GLCCI1: variants seen among roughly 807,000 people sequenced by gnomAD.
The protein encoded by GLCCI1 is glucocorticoid-induced transcript 1 protein.
A neutral mutation model predicts 52.2 loss-of-function variants in GLCCI1; 24 were observed. That is an observed-to-expected ratio of 0.46 (90% confidence interval 0.33 to 0.65). The LOEUF is 0.65. Among genes scored for constraint, GLCCI1 ranks in the 30% least tolerant of loss-of-function variants. The pLI, the probability that GLCCI1 is intolerant of heterozygous loss-of-function variation, is 0.02. For synonymous variants in GLCCI1, 310 were observed against 276.5 expected (o/e 1.12, Z -1.20); for missense variants, 704 against 701.5 (o/e 1.00, Z -0.04).
chr7:8,012,090 C>T (rs1400482946), intron 2 of GLCCI1, among the ~76,000 whole-genome samples: 1 of 151,792 alleles, frequency 6.6e-6, no homozygotes, highest in Admixed American at 6.6e-5. Context: ...GCTAGGATTA[C>T]AGGCATGAGT....
At chr7:8,044,313 A>G (rs1224989788) in intron 3 of GLCCI1, among the ~76,000 whole-genome samples, 2 of 151,404 alleles carry the variant, frequency 1.3e-5, no homozygotes, top group Non-Finnish European at 2.9e-5. Context: ...ATGTATCATC[A>G]TCTTCCTTGA....
At chr7:8,063,869 C>T (rs934500645) in intron 5 of GLCCI1, among the ~76,000 whole-genome samples, 2 of 152,012 alleles carry the variant, frequency 1.3e-5, no homozygotes, top group East Asian at 3.9e-4. Context: ...AATCCTCTTG[C>T]CTGGGCCTCC....
intron 6 of GLCCI1, among the ~76,000 whole-genome samples, chr7:8,074,141 A>T (rs1782824574): frequency 6.6e-6 from 1 of 152,172 alleles, no homozygotes; most frequent in Non-Finnish European, 1.5e-5. Context: ...TGTACTGGAG[A>T]GTGGAGAAAT....
At chr7:8,047,839 CCTGTG>C (rs1367018681) in intron 3 of GLCCI1, among the ~76,000 whole-genome samples, 3 of 152,212 alleles carry the variant, frequency 2.0e-5, no homozygotes, top group African/African-American at 7.2e-5. Flanking sequence ...CTCCTAAACT[CCTGTG>C]TTCCCTTTAA....
intron 3 of GLCCI1, among the ~76,000 whole-genome samples, chr7:8,047,719 C>G (rs1485196822): frequency 6.6e-6 from 1 of 152,190 alleles, no homozygotes; most frequent in Non-Finnish European, 1.5e-5. Flanking sequence ...TTAGACAACA[C>G]AACTAAGACT....
intron 3 of GLCCI1, among the ~76,000 whole-genome samples, chr7:8,049,107 C>T: frequency 6.6e-6 from 1 of 152,042 alleles, no homozygotes; most frequent in East Asian, 1.9e-4. Context: ...ACCAGCAAGC[C>T]CTCTCATTAG....
Position 8,037,424 on chromosome 7 carries a change from C to G in GLCCI1, c.696+14855C>G, listed in dbSNP as rs962450534. ...TAAACATGGAAATGAAAGGTTGACACTCACCATCATAAAAACACATGAAAG... is the reference window on the plus strand; with the variant it reads ...TAAACATGGAAATGAAAGGTTGACAGTCACCATCATAAAAACACATGAAAG... On this transcript the variant is annotated intron_variant, in intron 3 of 7. Coordinates refer to ENST00000223145, the MANE Select transcript of GLCCI1 (RefSeq NM_138426.4). Among the ~76,000 whole-genome samples, 3 of 152,278 alleles carry G rather than the reference C, an allele frequency of 2.0e-5. No homozygotes were observed. In the South Asian group the frequency reaches 6.2e-4, roughly 32 times the overall value.
At chr7:8,048,535 G>C (rs1005562418) in intron 3 of GLCCI1, among the ~76,000 whole-genome samples, 13 of 152,026 alleles carry the variant, frequency 8.6e-5, no homozygotes, top group Non-Finnish European at 1.6e-4. Flanking sequence ...TCAAATACCA[G>C]TCCCCTTAAT....
intron 3 of GLCCI1, among the ~76,000 whole-genome samples, chr7:8,025,241 A>C (rs1340624897): frequency 6.6e-6 from 1 of 152,086 alleles, no homozygotes; most frequent in Non-Finnish European, 1.5e-5. Flanking sequence ...ATGAAATTCA[A>C]GTGGGCTACT....
At chr7:8,030,100 G>A (rs140316258) in intron 3 of GLCCI1, among the ~76,000 whole-genome samples, 5 of 152,140 alleles carry the variant, frequency 3.3e-5, no homozygotes, top group Admixed American at 6.5e-5. Flanking sequence ...TGTCCTAAGC[G>A]AAAAGAACAA....
At chr7:8,076,385 T>C (rs1782877597) in intron 6 of GLCCI1, among the ~76,000 whole-genome samples, 1 of 152,214 alleles carries the variant, frequency 6.6e-6, no homozygotes, top group South Asian at 2.1e-4. Context: ...TATAAAGATA[T>C]TATTCCAACA....
At chr7:8,080,580 A>C (rs1782974003) in intron 6 of GLCCI1, among the ~76,000 whole-genome samples, 1 of 151,420 alleles carries the variant, frequency 6.6e-6, no homozygotes, top group Non-Finnish European at 1.5e-5. Context: ...CTGGTACTCC[A>C]GATATTATTC....
At chr7:8,018,167 T>A (rs1781414891) in intron 2 of GLCCI1, among the ~76,000 whole-genome samples, 1 of 152,170 alleles carries the variant, frequency 6.6e-6, no homozygotes. Context: ...TCAGTACTCA[T>A]ATTTCTATAA....
Position 8,088,933 on chromosome 7 carries a change from C to G in GLCCI1, c.*2395C>G, listed in dbSNP as rs1288746671. 2 of 152,608 alleles carry G rather than the reference C, an allele frequency of 1.3e-5. No homozygotes were observed. Among genetic ancestry groups the G allele is most frequent in the African/African-American group, 2.4e-5 (1 of 41,446 alleles). 9.5% of individuals were successfully genotyped at this position (152,608 alleles called of 1,614,324 possible). On this transcript the variant is annotated 3_prime_UTR_variant, in exon 8 of 8. Coordinates refer to ENST00000223145, the MANE Select transcript of GLCCI1 (RefSeq NM_138426.4). ...TGTTTAAATTTTGTATATAATTGTACTGTTTAATTCTAGCCATTGCGCTGA... is the reference window on the plus strand; with the variant it reads ...TGTTTAAATTTTGTATATAATTGTAGTGTTTAATTCTAGCCATTGCGCTGA...
Position 8,086,382 on chromosome 7 carries a change from G to A in GLCCI1, c.1488G>A (p.Gln496=). The change falls in exon 8 of 8, where the codon CAG becomes CAA. Residue 496 remains glutamine (Q), a synonymous_variant. Coordinates refer to ENST00000223145, the MANE Select transcript of GLCCI1 (RefSeq NM_138426.4). The surrounding 1 kb of genome is among the most constrained non-coding windows in gnomAD (Gnocchi z 4.4). Reference sequence around the variant, plus strand: ...CTTTGGCAACTCTGACCGTTGAGCAGCTCTCATCCCGGGTTTCCTTTACGT... The same window carrying A: ...CTTTGGCAACTCTGACCGTTGAGCAACTCTCATCCCGGGTTTCCTTTACGT... ...SSALATLTVE[Q]LSSRVSFTSL... is the part of the protein sequence containing the mutation. 6.2e-7 allele frequency: 1 copy of A among 1,614,138 alleles called. No individual in the cohort carries two copies. The highest frequency in any genetic ancestry group is 1.1e-5 in the South Asian group (1 of 91,078).
chr7:8,050,869 T>G (rs910188918), intron 3 of GLCCI1, among the ~76,000 whole-genome samples: 2 of 152,184 alleles, frequency 1.3e-5, no homozygotes, highest in African/African-American at 4.8e-5. Context: ...TTCTTCACCT[T>G]TAAAATAATA....
At chr7:8,062,038 A>C (rs929864934) in intron 5 of GLCCI1, among the ~76,000 whole-genome samples, 3 of 152,262 alleles carry the variant, frequency 2.0e-5, no homozygotes, top group East Asian at 1.9e-4. Context: ...CTTTGGATCT[A>C]ATTTTTAGAG....
chr7:8,044,367 C>CT (rs60118378), intron 3 of GLCCI1, among the ~76,000 whole-genome samples: 22,120 of 140,870 alleles, frequency 0.16, 1,896 homozygotes, highest in East Asian at 0.27. Context: ...CCTTTTTGTA[C>CT]TTTTTTTTTT....
At chr7:8,011,459 G>T (rs1781260052) in intron 2 of GLCCI1, among the ~76,000 whole-genome samples, 1 of 152,240 alleles carries the variant, frequency 6.6e-6, no homozygotes, top group Non-Finnish European at 1.5e-5. Flanking sequence ...TGACATTGTA[G>T]CTGTGTGTCA....
Sources: allele counts gnomAD v4.1 joint callset (sites outside exome capture counted in the v4.1 genomes callset), GRCh38; gene constraint gnomAD v4.1.1; non-coding constraint Gnocchi (gnomAD v3.1); transcripts MANE v1.5; gene names NCBI Gene and HGNC (gene_info 2026-07-23, HGNC 2026-07-21).